Variants in ALMS1 observed in about 807,000 individuals in gnomAD.
The protein encoded by ALMS1 is centrosome-associated protein ALMS1.
In ALMS1, 271 loss-of-function variants were observed where a neutral mutation model predicts 352.2. That is an observed-to-expected ratio of 0.77 (90% CI 0.70 to 0.85). The LOEUF is 0.85. ALMS1 is among the 40% of genes least tolerant of loss of function. The pLI is 0.00. For synonymous variants in ALMS1, 1,865 were observed against 1,761.2 expected, an observed-to-expected ratio of 1.06 and a Z score of -1.48; for missense variants, 5,445 against 4,870.7, an observed-to-expected ratio of 1.12 and a Z score of -3.51.
intron 11 of ALMS1, among the ~76,000 whole-genome samples, chr2:73,524,389 C>T (rs1424039409): frequency 6.6e-6 from 1 of 152,176 alleles, no homozygotes; most frequent in Non-Finnish European, 1.5e-5. Flanking sequence ...GGATATCCAT[C>T]ACCTCAAGCA....
chr2:73,564,222 T>G (rs933838975), intron 15 of ALMS1, among the ~76,000 whole-genome samples: 1 of 151,982 alleles, frequency 6.6e-6, no homozygotes, highest in African/African-American at 2.4e-5. Flanking sequence ...TCCCAGCACT[T>G]TGGGAAGCTA....
At chr2:73,418,909 T>A (rs1189321075) in intron 2 of ALMS1, among the ~76,000 whole-genome samples, 1 of 152,088 alleles carries the variant, frequency 6.6e-6, no homozygotes, top group African/African-American at 2.4e-5. Flanking sequence ...GTATAAAAGG[T>A]TTTTTTGTGT....
chr2:73,426,599 A>G (rs763320718), intron 6 of ALMS1, 46 bp downstream of exon 6: 6 of 1,567,906 alleles, frequency 3.8e-6, no homozygotes, highest in South Asian at 1.1e-5. Flanking sequence ...GGCCTTTTTC[A>G]GTATTGTTTC....
chr2:73,392,344 A>G (rs1322620407), intron 1 of ALMS1, among the ~76,000 whole-genome samples: 9 of 151,590 alleles, frequency 5.9e-5, no homozygotes, highest in Admixed American at 5.3e-4. Flanking sequence ...AAACATTTTA[A>G]TAGCTTTTTT....
chr2:73,561,516 A>G (rs1674662717), intron 15 of ALMS1, among the ~76,000 whole-genome samples: 1 of 152,154 alleles, frequency 6.6e-6, no homozygotes, highest in East Asian at 1.9e-4. Flanking sequence ...AGTATGAAAT[A>G]TCTAAAGTAG....
In ALMS1 at chr2:73,414,018, A is replaced by G. The variant is rs72909313; in HGVS notation, c.451-5105A>G. Among the ~76,000 whole-genome samples, 607 of 152,296 alleles carry G rather than the reference A, an allele frequency of 4.0e-3. 5 individuals are homozygous for G. Among genetic ancestry groups the G allele is most frequent in the African/African-American group, 0.012 (504 of 41,554 alleles). On this transcript the variant is annotated intron_variant, in intron 2 of 22. Coordinates refer to ENST00000613296, the MANE Select transcript of ALMS1 (RefSeq NM_001378454.1). ...ATTATTTCAGATTCTTGGAATTTCTATATAAATTTTAGAATTAGCTCGCCC... is the reference window on the plus strand; with the variant it reads ...ATTATTTCAGATTCTTGGAATTTCTGTATAAATTTTAGAATTAGCTCGCCC...
At chr2:73,407,725 T>C (rs1670999084) in intron 1 of ALMS1, among the ~76,000 whole-genome samples, 1 of 152,140 alleles carries the variant, frequency 6.6e-6, no homozygotes, top group Non-Finnish European at 1.5e-5. Flanking sequence ...GCCCAGCTAA[T>C]TCTTGTATTT....
intron 19 of ALMS1, among the ~76,000 whole-genome samples, chr2:73,601,690 ATC>A (rs1675693699): frequency 6.6e-6 from 1 of 152,176 alleles, no homozygotes; most frequent in Admixed American, 6.5e-5. Context: ...GAGGATTTGC[ATC>A]TCTGCTTATT....
intron 9 of ALMS1, among the ~76,000 whole-genome samples, chr2:73,478,118 A>T (rs1216257355): frequency 6.6e-6 from 1 of 152,142 alleles, no homozygotes; most frequent in Non-Finnish European, 1.5e-5. Context: ...GGTACTCTTC[A>T]TCTGGTTAAA....
rs747436819 is a variant in ALMS1, at chr2:73,568,995, CTTTTTTTTTTTTTTTTTTTTTT to C, written c.10385-3251_10385-3230del. Among the ~76,000 whole-genome samples the C allele has an allele frequency of 6.3e-4, 34 of 53,556 alleles. No individual in the cohort carries two copies. The South Asian group carries it at 0.014, about 22-fold the overall frequency. The allele number at this position is 53,556 out of a possible 152,430, so 35.1% of individuals were successfully genotyped here. ...AGCTTGCTTGCTGCTGCTTCTGCTTCTTTTTTTTTTTTTTTTTTTTTTTTTTTTTTTTTTTTTGAGATGAAGT... is the reference window on the plus strand; with the variant it reads ...AGCTTGCTTGCTGCTGCTTCTGCTTCTTTTTTTTTTTTTTTGAGATGAAGT... On this transcript the variant is annotated intron_variant, in intron 15 of 22. Transcript: ENST00000613296.
intron 5 of ALMS1, 136 bp downstream of exon 5, chr2:73,425,038 C>A: frequency 1.6e-6 from 1 of 643,426 alleles, no homozygotes; most frequent in Admixed American, 3.3e-5. Flanking sequence ...CACCCAGAAA[C>A]GTGTGTAATC....
intron 9 of ALMS1, among the ~76,000 whole-genome samples, chr2:73,466,373 C>G (rs1459725989): frequency 1.3e-5 from 2 of 151,540 alleles, no homozygotes; most frequent in Admixed American, 6.6e-5. Flanking sequence ...TCTCAGCAAG[C>G]TATCTCAAGG....
intron 19 of ALMS1, 71 bp downstream of exon 19, chr2:73,601,507 T>A (rs1675688168): frequency 6.3e-7 from 1 of 1,576,144 alleles, no homozygotes; most frequent in South Asian, 1.2e-5. Context: ...AGAAGCTGGC[T>A]CTGTGACTTG....
rs369339997 is a variant in ALMS1 at position 73,452,598 on chromosome 2, A to C, written c.6071A>C (p.Lys2024Thr). 1.5e-5 allele frequency: 25 copies of C among 1,614,130 alleles called. 1 individual carries two copies. In the South Asian group the frequency reaches 2.6e-4, roughly 17 times the overall value. Residue 2024 changes from lysine (K) to threonine (T), a missense_variant, in exon 8 of 23, where the codon AAG becomes ACG. Transcript: ENST00000613296. Reference sequence around the variant, plus strand: ...CTTAGTTCCTACTCACAAATAGAGAAGCCCAAGATTTCAACTGTGATTGGA... The same window carrying C: ...CTTAGTTCCTACTCACAAATAGAGACGCCCAAGATTTCAACTGTGATTGGA... ...ATLSSYSQIE[K>T]PKISTVIGPN...
intron 2 of ALMS1, among the ~76,000 whole-genome samples, chr2:73,413,927 A>G (rs570300641): frequency 6.6e-6 from 1 of 152,288 alleles, no homozygotes; most frequent in Admixed American, 6.5e-5. Flanking sequence ...TACACTCTTA[A>G]TAACTGTACT....
rs1558712466 is a variant in ALMS1, at chr2:73,602,330, A to G, written c.12260A>G (p.Gln4087Arg). The G allele has an allele frequency of 5.0e-6, 8 of 1,614,106 alleles. No homozygotes were observed. Among genetic ancestry groups the G allele is most frequent in the Non-Finnish European group, 6.8e-6 (8 of 1,180,038 alleles). Reference protein sequence around the residue: ...DALFNIDRERQGHQNRMCPLP... With the variant: ...DALFNIDRERRGHQNRMCPLP... ...CTATTCAACATTGACAGGGAACGGC[A>G]GGGCCACCAGAATCGCATGTGCCCG... The change falls in exon 20 of 23, where the codon CAG becomes CGG. Residue 4087 changes from glutamine to arginine, a missense_variant. Coordinates refer to ENST00000613296, the MANE Select transcript of ALMS1 (RefSeq NM_001378454.1).
At chr2:73,463,240 TAACA>T (rs892793023) in intron 9 of ALMS1, among the ~76,000 whole-genome samples, 5 of 152,048 alleles carry the variant, frequency 3.3e-5, no homozygotes, top group Admixed American at 2.6e-4. Flanking sequence ...AAAGAAATTA[TAACA>T]AACTATCTCT....
intron 9 of ALMS1, among the ~76,000 whole-genome samples, chr2:73,482,829 T>G (rs1199754010): frequency 2.0e-5 from 3 of 151,634 alleles, no homozygotes; most frequent in Non-Finnish European, 3.0e-5. Flanking sequence ...GTCGAGGAAT[T>G]TATCCATTTC....
rs867341295 is a variant in ALMS1, at chr2:73,490,804, C to T, written c.8845C>T (p.Leu2949Phe). The stretch of plus-strand genomic sequence containing the variant: ...TCAAATGAGAGAAAACCATTCTCCC[C>T]TTCCTCAAGGTCAGGATTCTATAGC... Reference protein sequence around the residue: ...DHQMRENHSPLPQGQDSIASD... With the variant: ...DHQMRENHSPFPQGQDSIASD... Residue 2949 changes from leucine to phenylalanine, a missense_variant, in exon 10 of 23, where the codon CTT becomes TTT. Leu to Phe is a conservative substitution (Grantham distance 22). Coordinates refer to ENST00000613296, the MANE Select transcript of ALMS1 (RefSeq NM_001378454.1). 1 of 1,613,896 alleles carries T rather than the reference C, an allele frequency of 6.2e-7. No homozygotes were observed. Among genetic ancestry groups the T allele is most frequent in the Admixed American group, 1.7e-5 (1 of 59,998 alleles).
Sources: allele counts gnomAD v4.1 joint callset (sites outside exome capture counted in the v4.1 genomes callset), GRCh38; gene constraint gnomAD v4.1.1; transcripts MANE v1.5; gene names NCBI Gene and HGNC (gene_info 2026-07-23, HGNC 2026-07-21).